The following AKT3 variants were observed in gnomAD, a reference collection of about 807,000 sequenced individuals.
AKT3 encodes RAC-gamma serine/threonine-protein kinase.
A neutral mutation model predicts 65.3 loss-of-function variants in AKT3; 15 were observed. The ratio of observed to expected loss-of-function variants is 0.23; its 90% CI spans 0.15 to 0.35. The LOEUF (loss-of-function observed/expected upper bound fraction) is 0.35. Ranked by LOEUF, AKT3 falls within the 10% of genes least tolerant of loss-of-function variation. The pLI, the probability that AKT3 is intolerant of heterozygous loss-of-function variation, is 1.00. For missense variants in AKT3, 243 were observed against 576.5 expected, an observed-to-expected ratio of 0.42 and a Z score of 5.92; for synonymous variants, 206 against 183.8, an observed-to-expected ratio of 1.12 and a Z score of -0.98.
At chr1:243,777,944 C>G (rs1690661938) in intron 2 of AKT3, among the ~76,000 whole-genome samples, 1 of 152,144 alleles carries the variant, frequency 6.6e-6, no homozygotes, top group African/African-American at 2.4e-5. Context: ...GGCATGTATC[C>G]TTTATACTGA....
chr1:243,722,799 A>G (rs1686990979), intron 2 of AKT3, among the ~76,000 whole-genome samples: 2 of 152,210 alleles, frequency 1.3e-5, no homozygotes, highest in Admixed American at 1.3e-4. Flanking sequence ...TGAGCAATGT[A>G]AAAACAACTA....
chr1:243,714,680 C>T (rs147220975), intron 2 of AKT3, among the ~76,000 whole-genome samples: 76 of 152,178 alleles, frequency 5.0e-4, no homozygotes, highest in African/African-American at 1.7e-3. Context: ...CTATCTGGCA[C>T]GGGGAGGAGA....
chr1:243,797,092 T>C (rs1296758592), intron 2 of AKT3, among the ~76,000 whole-genome samples: 2 of 152,110 alleles, frequency 1.3e-5, no homozygotes, highest in Non-Finnish European at 2.9e-5. Flanking sequence ...TTGATGTCGC[T>C]GAAACGTGCA....
At chr1:243,498,311 T>C (rs1668543408), downstream of AKT3, among the ~76,000 whole-genome samples, 1 of 152,204 alleles carries the variant, frequency 6.6e-6, no homozygotes, top group South Asian at 2.1e-4. Context: ...ATGGCAGGGC[T>C]CTAGGGCATA....
chr1:243,811,041 T>C (rs1444944129), intron 2 of AKT3, among the ~76,000 whole-genome samples: 2 of 152,164 alleles, frequency 1.3e-5, no homozygotes, highest in East Asian at 1.9e-4. Context: ...ATAAGAGCTA[T>C]TTATGAGAAA....
intron 8 of AKT3, among the ~76,000 whole-genome samples, chr1:243,605,208 T>C (rs1677308538): frequency 6.6e-6 from 1 of 151,906 alleles, no homozygotes; most frequent in African/African-American, 2.4e-5. Context: ...TTTTTTTTTT[T>C]TTTGACACGG....
intron 2 of AKT3, among the ~76,000 whole-genome samples, chr1:243,724,632 A>C (rs1358624842): frequency 6.6e-6 from 1 of 152,202 alleles, no homozygotes; most frequent in East Asian, 1.9e-4. Flanking sequence ...ATCCAGACCC[A>C]CAAGTTCTAA....
At chr1:243,640,450 T>C (rs1253168702) in intron 5 of AKT3, among the ~76,000 whole-genome samples, 1 of 152,188 alleles carries the variant, frequency 6.6e-6, no homozygotes, top group Non-Finnish European at 1.5e-5. Context: ...CAGAATATGA[T>C]CAAACTGATA....
chr1:243,773,755 G>A (rs922045065), intron 2 of AKT3, among the ~76,000 whole-genome samples: 2 of 152,176 alleles, frequency 1.3e-5, no homozygotes, highest in African/African-American at 4.8e-5. Flanking sequence ...ATTTAACAAT[G>A]TTAATTTCCT....
At chr1:243,742,195 C>G (rs1457821787) in intron 2 of AKT3, among the ~76,000 whole-genome samples, 1 of 152,032 alleles carries the variant, frequency 6.6e-6, no homozygotes, top group Non-Finnish European at 1.5e-5. Flanking sequence ...CCTGTGGATA[C>G]CAAGGGGCCA....
At chr1:243,594,053 A>G (rs1639214091) in intron 8 of AKT3, among the ~76,000 whole-genome samples, 4 of 152,220 alleles carry the variant, frequency 2.6e-5, no homozygotes, top group Non-Finnish European at 5.9e-5. Context: ...AGACATTTCA[A>G]AGAAATTTAG....
At chr1:243,490,118 A>G (rs1388042074) in intron 13 of AKT3, among the ~76,000 whole-genome samples, 1 of 152,260 alleles carries the variant, frequency 6.6e-6, no homozygotes, top group African/African-American at 2.4e-5. Flanking sequence ...ATGAAAACGA[A>G]GAGGAGTCTC....
At chr1:243,665,926 C>CTA (rs1682736402) in intron 3 of AKT3, among the ~76,000 whole-genome samples, 1 of 152,146 alleles carries the variant, frequency 6.6e-6, no homozygotes, top group Admixed American at 6.5e-5. Flanking sequence ...CTGCTGTGTC[C>CTA]TATCTCCATC....
chr1:243,494,220 GT>G (rs1023233005), intron 13 of AKT3, among the ~76,000 whole-genome samples: 1 of 152,090 alleles, frequency 6.6e-6, no homozygotes, highest in Non-Finnish European at 1.5e-5. Context: ...CCAAATTGTT[GT>G]TTTTTTGTTT....
At chr1:243,806,555 T>C (rs942620121) in intron 2 of AKT3, among the ~76,000 whole-genome samples, 6 of 152,224 alleles carry the variant, frequency 3.9e-5, no homozygotes, top group African/African-American at 1.2e-4. Flanking sequence ...TACATGCATA[T>C]GTGTCTTATC....
chr1:243,773,522 G>A (rs1690334030), intron 2 of AKT3, among the ~76,000 whole-genome samples: 1 of 152,070 alleles, frequency 6.6e-6, no homozygotes, highest in African/African-American at 2.4e-5. Context: ...GGAGAGGTGG[G>A]AAGATAGCTT....
intron 2 of AKT3, among the ~76,000 whole-genome samples, chr1:243,823,862 C>T (rs1286224146): frequency 4.6e-5 from 7 of 152,036 alleles, no homozygotes; most frequent in Admixed American, 3.9e-4. Context: ...AATACTATTC[C>T]CATTGAACTA....
At chr1:243,574,814 G>A (rs1183014987) in intron 8 of AKT3, among the ~76,000 whole-genome samples, 2 of 152,020 alleles carry the variant, frequency 1.3e-5, no homozygotes, top group Non-Finnish European at 2.9e-5. Context: ...AGTTGCAGTA[G>A]TCTTCTAATG....
At chr1:243,750,965 G>A (rs1037639915) in intron 2 of AKT3, among the ~76,000 whole-genome samples, 13 of 152,104 alleles carry the variant, frequency 8.5e-5, no homozygotes, top group Non-Finnish European at 1.9e-4. Context: ...TGTTTTAGCT[G>A]TTGGTACTGA....
Sources: allele counts gnomAD v4.1 joint callset (sites outside exome capture counted in the v4.1 genomes callset), GRCh38; gene constraint gnomAD v4.1.1; transcripts MANE v1.5; gene names NCBI Gene and HGNC (gene_info 2026-07-23, HGNC 2026-07-21).